HDAC9: variants seen among roughly 807,000 people sequenced by gnomAD.
HDAC9 encodes the protein histone deacetylase 9, also known as MEF-2 interacting transcription repressor (MITR) protein.
A neutral mutation model predicts 139.4 loss-of-function variants in HDAC9; 41 were observed. The ratio of observed to expected loss-of-function variants is 0.29; its 90% confidence interval spans 0.23 to 0.38. The LOEUF (loss-of-function observed/expected upper bound fraction) is 0.38, where lower values mean the gene tolerates loss of function less well. Ranked by LOEUF, HDAC9 falls within the 10% of genes least tolerant of loss-of-function variation. The pLI is 1.00. For missense variants in HDAC9, 1,147 were observed against 1,297.0 expected (o/e 0.88, Z 1.78); for synonymous variants, 517 against 476.2 (o/e 1.09, Z -1.12).
At chr7:18,094,039 G>C (rs1262883934) in intron 1 of HDAC9, among the ~76,000 whole-genome samples, 1 of 152,086 alleles carries the variant, frequency 6.6e-6, no homozygotes, top group Non-Finnish European at 1.5e-5. Flanking sequence ...ATTTCCCTGG[G>C]TATCTGAGCC....
chr7:18,506,442 C>T (rs1013788449), intron 2 of HDAC9, among the ~76,000 whole-genome samples: 7 of 152,102 alleles, frequency 4.6e-5, no homozygotes, highest in Admixed American at 6.6e-5. Flanking sequence ...TGACCCTTCT[C>T]GTGAATATGG....
Position 18,642,281 on chromosome 7 carries a change from G to T in HDAC9, c.913-2390G>T, listed in dbSNP as rs145672778. On this transcript the variant is annotated intron_variant, in intron 8 of 25. Coordinates refer to ENST00000686413, the MANE Select transcript of HDAC9 (RefSeq NM_178425.4). ...CTTGTGCCAAGTCCCCTGACTCCCA[G>T]TTGCACTCCTTTATTCCTGCCATGA... Among the ~76,000 whole-genome samples the T allele has an allele frequency of 1.8e-3, 267 of 152,130 alleles. 1 individual carries two copies. The highest frequency in any genetic ancestry group is 6.8e-3 in the Middle Eastern group (2 of 294).
intron 2 of HDAC9, 72 bp from the exon 3 acceptor site, chr7:18,585,209 A>T: frequency 6.5e-7 from 1 of 1,535,308 alleles, no homozygotes; most frequent in Non-Finnish European, 8.9e-7. Flanking sequence ...ATTTGTTTCC[A>T]AATCAATGTG....
At chr7:18,605,294 A>AT (rs1227862867) in intron 6 of HDAC9, among the ~76,000 whole-genome samples, 1 of 152,036 alleles carries the variant, frequency 6.6e-6, no homozygotes, top group Non-Finnish European at 1.5e-5. Flanking sequence ...ACTAAATTTC[A>AT]TTTTTTTAAG....
At chr7:18,760,508 A>T (rs1389858026) in intron 14 of HDAC9, among the ~76,000 whole-genome samples, 1 of 152,224 alleles carries the variant, frequency 6.6e-6, no homozygotes, top group Non-Finnish European at 1.5e-5. Context: ...CTTCAGCATC[A>T]GAATTCTGAT....
At chr7:18,517,295 A>G (rs1803543216) in intron 2 of HDAC9, among the ~76,000 whole-genome samples, 1 of 152,202 alleles carries the variant, frequency 6.6e-6, no homozygotes, top group African/African-American at 2.4e-5. Context: ...ACAAACGATA[A>G]AAGTTCAAAT....
rs545495333 is a variant in HDAC9, at chr7:18,257,872, A to G, written c.25+95523A>G. Among the ~76,000 whole-genome samples the G allele has an allele frequency of 3.3e-5, 5 of 152,362 alleles. No homozygotes were observed. The East Asian group carries it at 9.6e-4, about 29-fold the overall frequency. ...AAAAACTTTTACAGAGGTCAAAAAA[A>G]TGTGCACTAGACACAAACTGTAAGG... On this transcript the variant is annotated intron_variant, in intron 2 of 12. Transcript: ENST00000417496.
intron 2 of HDAC9, among the ~76,000 whole-genome samples, chr7:18,206,603 C>A (rs776923787): frequency 2.0e-5 from 3 of 151,996 alleles, no homozygotes; most frequent in Non-Finnish European, 4.4e-5. Context: ...TTCAGCCTTT[C>A]AATTACTTGA....
intron 2 of HDAC9, among the ~76,000 whole-genome samples, chr7:18,240,123 G>A (rs1794093388): frequency 6.6e-6 from 1 of 152,096 alleles, no homozygotes; most frequent in South Asian, 2.1e-4. Flanking sequence ...AGATCTAAAT[G>A]TAAGCATTTG....
At chr7:18,262,935 GAGAA>G (rs139960951) in intron 2 of HDAC9, among the ~76,000 whole-genome samples, 58,115 of 151,486 alleles carry the variant, frequency 0.38, 12,479 homozygotes, top group Admixed American at 0.51. Context: ...GGCAATAATA[GAGAA>G]AGAGAGGACA....
At chr7:18,891,787 G>A (rs891997982) in intron 22 of HDAC9, among the ~76,000 whole-genome samples, 1 of 152,080 alleles carries the variant, frequency 6.6e-6, no homozygotes, top group African/African-American at 2.4e-5. Flanking sequence ...CTATTTAAGG[G>A]CAGCCCTAGA....
intron 17 of HDAC9, among the ~76,000 whole-genome samples, chr7:18,795,275 A>G (rs1585050345): frequency 6.7e-6 from 1 of 149,234 alleles, no homozygotes; most frequent in East Asian, 2.0e-4. Flanking sequence ...AAAAAAAAAA[A>G]AAAAAAAAAA....
chr7:18,372,112 A>G (rs892429856), intron 1 of HDAC9, among the ~76,000 whole-genome samples: 2 of 152,236 alleles, frequency 1.3e-5, no homozygotes, highest in African/African-American at 2.4e-5. Flanking sequence ...GGTAACTCAC[A>G]TTCAACAAAC....
intron 17 of HDAC9, among the ~76,000 whole-genome samples, chr7:18,795,449 T>C (rs561545603): frequency 6.6e-6 from 1 of 152,090 alleles, no homozygotes; most frequent in African/African-American, 2.4e-5. Flanking sequence ...CACTGGCATT[T>C]TGAGCTATTT....
intron 2 of HDAC9, among the ~76,000 whole-genome samples, chr7:18,528,034 T>C (rs1248255710): frequency 6.6e-6 from 1 of 152,082 alleles, no homozygotes; most frequent in South Asian, 2.1e-4. Context: ...TTCACTTCTG[T>C]AATCCCAGCA....
intron 22 of HDAC9, among the ~76,000 whole-genome samples, chr7:18,876,642 G>T (rs964565146): frequency 6.6e-6 from 1 of 151,848 alleles, no homozygotes; most frequent in Non-Finnish European, 1.5e-5. Flanking sequence ...GAAATTGCAT[G>T]AGGCATTTTC....
At chr7:18,162,614 T>G in intron 2 of HDAC9, 1 of 471,000 alleles carries the variant, frequency 2.1e-6, no homozygotes, top group South Asian at 2.4e-5. Context: ...ACATTCAGAT[T>G]GAACTTTATG....
At chr7:18,448,841 G>A (rs1792535844) in intron 1 of HDAC9, among the ~76,000 whole-genome samples, 1 of 152,078 alleles carries the variant, frequency 6.6e-6, no homozygotes, top group African/African-American at 2.4e-5. Context: ...AATTTGATGT[G>A]TTGATAGTTC....
intron 21 of HDAC9, among the ~76,000 whole-genome samples, chr7:18,863,591 C>G (rs944514646): frequency 5.9e-5 from 9 of 152,038 alleles, no homozygotes; most frequent in African/African-American, 2.2e-4. Context: ...CCCCAAAATA[C>G]ATCTGTGAAC....
Sources: gnomAD v4.1 joint callset for allele counts (sites outside exome capture counted in the v4.1 genomes callset) on GRCh38, gnomAD v4.1.1 for gene constraint, MANE v1.5 for transcripts, NCBI Gene and HGNC (gene_info 2026-07-23, HGNC 2026-07-21) for gene names.